The following EPN2 variants were observed in gnomAD, a reference collection of about 807,000 sequenced individuals.
EPN2 encodes the protein epsin-2.
In EPN2, 34 loss-of-function variants were observed where a neutral mutation model predicts 61.7. The ratio of observed to expected loss-of-function variants is 0.55; its 90% CI spans 0.42 to 0.73. The LOEUF (loss-of-function observed/expected upper bound fraction) is 0.73, where lower values mean the gene tolerates loss of function less well. Ranked by LOEUF, EPN2 falls within the 30% of genes least tolerant of loss-of-function variation. The pLI is 0.00. For missense variants in EPN2, 714 were observed against 839.2 expected (o/e 0.85, Z 1.84); for synonymous variants, 349 against 353.6 (o/e 0.99, Z 0.15).
At chr17:19,296,443 G>A (rs915245179) in intron 4 of EPN2, among the ~76,000 whole-genome samples, 3 of 152,014 alleles carry the variant, frequency 2.0e-5, no homozygotes, top group African/African-American at 4.8e-5. Flanking sequence ...GAGCCACTGC[G>A]CCTGGCTCCT....
In EPN2 at chr17:19,276,773, G is replaced by GTTTTTTT. The variant is rs80078595; in HGVS notation, c.-293-5170_-293-5164dup. Among the ~76,000 whole-genome samples the GTTTTTTT allele has an allele frequency of 2.0e-3, 238 of 119,272 alleles. 12 individuals are homozygous for GTTTTTTT. Among genetic ancestry groups the GTTTTTTT allele is most frequent in the African/African-American group, 3.5e-3 (85 of 24,086 alleles). 78.2% of individuals were successfully genotyped at this position (119,272 alleles called of 152,430 possible). A position where few individuals can be genotyped will look rare whatever the true frequency, so the allele number is the denominator to read the frequency against. ...GTCAGTATGTAATTTATGAGAATAA[G>GTTTTTTT]TTTTTTTTTTTTTTTTTTGCTGTAT... On this transcript the variant is annotated intron_variant, in intron 1 of 10. Transcript: ENST00000314728.
intron 1 of EPN2, among the ~76,000 whole-genome samples, chr17:19,265,312 A>G (rs1021553088): frequency 3.3e-5 from 5 of 151,218 alleles, no homozygotes; most frequent in African/African-American, 1.2e-4. Flanking sequence ...TGGGAGGTCC[A>G]GGCTGTAATC....
At chr17:19,332,831 G>T (rs1359442926) in intron 10 of EPN2, among the ~76,000 whole-genome samples, 1 of 152,206 alleles carries the variant, frequency 6.6e-6, no homozygotes, top group Non-Finnish European at 1.5e-5. Flanking sequence ...TCCTCACGGG[G>T]TTTCCCCAAA....
chr17:19,263,981 C>G (rs1184449398), intron 1 of EPN2, among the ~76,000 whole-genome samples: 1 of 152,170 alleles, frequency 6.6e-6, no homozygotes, highest in African/African-American at 2.4e-5. Context: ...TCTTCCTTGG[C>G]CTCTCGGCAC....
At position 19,334,151 on chromosome 17, in the gene EPN2, C is replaced by G; in HGVS notation, c.1823C>G (p.Ser608Cys). The G allele has an allele frequency of 6.2e-7, 1 of 1,604,636 alleles. No homozygotes were observed. Among genetic ancestry groups the G allele is most frequent in the African/African-American group, 1.3e-5 (1 of 74,918 alleles). ...CCAGCTCTGGGGGCCACTGGTTCCT[C>G]TCTGACACCACTGGGCCCTGCAATG... ...PQPALGATGS[S>C]LTPLGPAMMN... The change falls in exon 11 of 11, where the codon TCT (serine) becomes TGT (cysteine). Residue 608 changes from serine to cysteine, a missense_variant. By Grantham distance (112) the Ser-to-Cys change is moderately radical. Coordinates refer to ENST00000314728, the MANE Select transcript of EPN2 (RefSeq NM_014964.5). This position sits in a 1 kb window ranked among gnomAD's most constrained non-coding sequence, Gnocchi z 4.9.
chr17:19,273,404 C>A (rs2045274763), intron 1 of EPN2: 1 of 152,104 alleles, frequency 6.6e-6, no homozygotes, highest in Non-Finnish European at 1.5e-5. Context: ...GGCAGTTTAC[C>A]TTTTCCTGCT....
intron 8 of EPN2, 200 bp downstream of exon 8, chr17:19,329,087 G>A (rs561234668): frequency 1.1e-4 from 57 of 525,956 alleles, no homozygotes; most frequent in Non-Finnish European, 1.7e-4. Flanking sequence ...GGCTTTGTGC[G>A]CTGGTACCTC....
intron 1 of EPN2, among the ~76,000 whole-genome samples, chr17:19,263,701 C>T (rs2045167318): frequency 6.6e-6 from 1 of 152,194 alleles, no homozygotes. Flanking sequence ...CAGTGCCTGG[C>T]ACATGGTAGG....
In EPN2 at chr17:19,280,827, G is replaced by A. The variant is rs181120699; in HGVS notation, c.-293-1128G>A. Among the ~76,000 whole-genome samples the A allele has an allele frequency of 1.1e-4, 16 of 152,146 alleles. No homozygotes were observed. The East Asian group carries it at 3.1e-3, about 29-fold the overall frequency. On this transcript the variant is annotated intron_variant, in intron 1 of 10. Transcript: ENST00000314728. ...ATAGCTTCAGATCCCATATGTTGAG[G>A]GCTCAGTCCCACAAGAACACTCCCT...
intron 1 of EPN2, among the ~76,000 whole-genome samples, chr17:19,269,027 A>G (rs1400251963): frequency 6.6e-6 from 1 of 152,218 alleles, no homozygotes; most frequent in African/African-American, 2.4e-5. Context: ...GTGGCTGGAC[A>G]TGGTGGTCAT....
intron 1 of EPN2, among the ~76,000 whole-genome samples, chr17:19,246,741 C>CT (rs1457765362): frequency 6.7e-6 from 1 of 149,742 alleles, no homozygotes; most frequent in Non-Finnish European, 1.5e-5. Flanking sequence ...TTTTTTCCCC[C>CT]CTGAAAGCAA....
chr17:19,322,284 T>C (rs1448109273), intron 7 of EPN2, among the ~76,000 whole-genome samples: 3 of 152,142 alleles, frequency 2.0e-5, no homozygotes, highest in African/African-American at 7.2e-5. Flanking sequence ...CCATGGGATG[T>C]TGGGAACAAA....
chr17:19,288,177 C>T (rs752599546), intron 4 of EPN2, among the ~76,000 whole-genome samples: 7 of 152,120 alleles, frequency 4.6e-5, no homozygotes, highest in African/African-American at 9.7e-5. Context: ...CCTGTTCCGG[C>T]GGAAGCATTC....
At chr17:19,263,057 G>A (rs1442783362) in intron 1 of EPN2, among the ~76,000 whole-genome samples, 1 of 152,228 alleles carries the variant, frequency 6.6e-6, no homozygotes, top group African/African-American at 2.4e-5. Flanking sequence ...ATGAGTCCCT[G>A]TGTAGACATG....
chr17:19,270,006 A>G (rs1285495400), intron 1 of EPN2, among the ~76,000 whole-genome samples: 1 of 152,232 alleles, frequency 6.6e-6, no homozygotes, highest in Non-Finnish European at 1.5e-5. Context: ...GAATGAGAAT[A>G]AGAATAGGGA....
chr17:19,247,705 G>T (rs1400764469), intron 1 of EPN2, among the ~76,000 whole-genome samples: 1 of 148,550 alleles, frequency 6.7e-6, no homozygotes, highest in Non-Finnish European at 1.5e-5. Flanking sequence ...GGGTAGTAGG[G>T]AGCAGGGTAG....
intron 4 of EPN2, chr17:19,297,377 A>C (rs1252586454): frequency 6.6e-6 from 1 of 152,278 alleles, no homozygotes; most frequent in Non-Finnish European, 1.5e-5. Flanking sequence ...TATTATGCAG[A>C]TAGTATAACA....
At chr17:19,332,353 C>A (rs1194626762) in intron 10 of EPN2, among the ~76,000 whole-genome samples, 1 of 152,036 alleles carries the variant, frequency 6.6e-6, no homozygotes, top group Non-Finnish European at 1.5e-5. Flanking sequence ...GTGAGACCCT[C>A]GAGGGAATGT....
chr17:19,253,537 C>T (rs539941327), intron 1 of EPN2, among the ~76,000 whole-genome samples: 389 of 151,144 alleles, frequency 2.6e-3, no homozygotes, highest in African/African-American at 9.3e-3. Context: ...ACCTCAGCCT[C>T]CTGAGTAGCT....
Sources: allele counts gnomAD v4.1 joint callset (sites outside exome capture counted in the v4.1 genomes callset), GRCh38; gene constraint gnomAD v4.1.1; non-coding constraint Gnocchi (gnomAD v3.1); transcripts MANE v1.5; gene names NCBI Gene and HGNC (gene_info 2026-07-23, HGNC 2026-07-21).